The following TTC39B variants were observed in gnomAD, a reference collection of about 807,000 sequenced individuals.
TTC39B encodes tetratricopeptide repeat domain 39B, also known as tetratricopeptide repeat protein 39B.
A neutral mutation model predicts 96.6 loss-of-function variants in TTC39B; 92 were observed. The ratio of observed to expected loss-of-function variants is 0.95; its 90% CI spans 0.80 to 1.13. TTC39B has a LOEUF of 1.13. Among genes scored for constraint, TTC39B ranks in the 50% most tolerant of loss-of-function variants. The probability of loss-of-function intolerance (pLI) is 0.00; values close to 1 mark genes in which losing one functional copy is unlikely to be tolerated. For missense variants in TTC39B, 955 were observed against 809.3 expected (o/e 1.18, Z -2.18); for synonymous variants, 367 against 299.4 (o/e 1.23, Z -2.33).
chr9:15,303,190 T>C (rs1265578827), intron 1 of TTC39B, among the ~76,000 whole-genome samples: 1 of 152,148 alleles, frequency 6.6e-6, no homozygotes, highest in African/African-American at 2.4e-5. Context: ...TATGAACATT[T>C]AACTTTATAA....
intron 12 of TTC39B, 41 bp downstream of exon 12, chr9:15,189,684 T>A: frequency 1.2e-6 from 2 of 1,614,018 alleles, no homozygotes; most frequent in Non-Finnish European, 8.5e-7. Flanking sequence ...ACTGGCTGAT[T>A]AATTATGGTT....
intron 2 of TTC39B, among the ~76,000 whole-genome samples, chr9:15,263,317 T>A (rs932218221): frequency 2.0e-5 from 3 of 152,218 alleles, no homozygotes; most frequent in African/African-American, 7.2e-5. Flanking sequence ...ACATTTAACT[T>A]AAATTTCATT....
intron 16 of TTC39B, chr9:15,183,327 T>C (rs1564317316): frequency 2.3e-6 from 1 of 431,126 alleles, no homozygotes; most frequent in Non-Finnish European, 4.5e-6. Context: ...AAGAGTTCAA[T>C]TCAATAACAG....
chr9:15,250,124 GA>G, intron 2 of TTC39B: 1 of 1,240,680 alleles, frequency 8.1e-7, no homozygotes, highest in Non-Finnish European at 1.0e-6. Flanking sequence ...AGTAGTTGCC[GA>G]GGCAGCTGAC....
chr9:15,169,213 C>A (rs10961905), exon 20 of TTC39B: 1 of 152,070 alleles, frequency 6.6e-6, no homozygotes, highest in Admixed American at 6.5e-5. Context: ...CTCATTTCTG[C>A]CCTCTGAGGA....
intron 2 of TTC39B, among the ~76,000 whole-genome samples, chr9:15,257,846 G>C (rs1363142873): frequency 2.0e-5 from 3 of 151,930 alleles, no homozygotes; most frequent in Admixed American, 1.3e-4. Context: ...GATCATCTGA[G>C]ATCGGGAGTT....
chr9:15,212,830 C>A lies in TTC39B; in HGVS notation c.482+1309G>T, dbSNP rs10961916. The stretch of plus-strand genomic sequence containing the variant: ...TGTGTGTCAGTGGCAGAGAAAGACT[C>A]GTTTGAATAAAAATCAAAGGAGATA... On this transcript the variant is annotated intron_variant, in intron 4 of 19. Coordinates refer to ENST00000512701, the Ensembl canonical transcript of TTC39B. 2.6e-4 allele frequency among the ~76,000 whole-genome samples: 40 copies of A among 151,910 alleles called. No individual in the cohort carries two copies. In the South Asian group the frequency reaches 6.2e-3, roughly 24 times the overall value.
intron 1 of TTC39B, among the ~76,000 whole-genome samples, chr9:15,304,023 T>C (rs1197242390): frequency 6.6e-6 from 1 of 152,236 alleles, no homozygotes; most frequent in Non-Finnish European, 1.5e-5. Flanking sequence ...GAGATAATTA[T>C]TGGTGAGCTG....
intron 2 of TTC39B, among the ~76,000 whole-genome samples, chr9:15,264,645 A>G (rs1271875438): frequency 7.6e-6 from 1 of 131,698 alleles, no homozygotes; most frequent in Admixed American, 7.6e-5. Context: ...ACAGAGCGAG[A>G]CTCTGTCTTA....
At chr9:15,262,037 T>G (rs1038870300) in intron 2 of TTC39B, among the ~76,000 whole-genome samples, 5 of 152,230 alleles carry the variant, frequency 3.3e-5, no homozygotes, top group Admixed American at 1.3e-4. Context: ...GTCACCTCCT[T>G]ATGCCGAACA....
At chr9:15,240,365 T>C (rs1821983302) in intron 2 of TTC39B, among the ~76,000 whole-genome samples, 1 of 152,224 alleles carries the variant, frequency 6.6e-6, no homozygotes, top group African/African-American at 2.4e-5. Flanking sequence ...AACTGGCGAA[T>C]AGATAAACTA....
At chr9:15,307,134 T>C in exon 1 of TTC39B, 1 of 1,608,722 alleles carries the variant, frequency 6.2e-7, no homozygotes, top group Non-Finnish European at 8.5e-7. Flanking sequence ...ATATTCCTCC[T>C]CTGGCTGCTG....
rs117610132 is a variant in TTC39B, at chr9:15,182,758, T to C, written c.1615-343A>G. On this transcript the variant is annotated intron_variant, in intron 16 of 19. Coordinates refer to ENST00000512701, the Ensembl canonical transcript of TTC39B. ...GTAAACTTTTGTTGTTACTTTTAAG[T>C]AAAGAAAAATATTTTTAAATGTCTG... 3.0e-3 allele frequency among the ~76,000 whole-genome samples: 455 copies of C among 152,316 alleles called. 1 individual carries two copies. The highest frequency in any genetic ancestry group is 5.1e-3 in the Non-Finnish European group (344 of 68,014).
chr9:15,175,919 G>C (rs1286442826), intron 18 of TTC39B, among the ~76,000 whole-genome samples: 1 of 152,156 alleles, frequency 6.6e-6, no homozygotes, highest in Non-Finnish European at 1.5e-5. Flanking sequence ...AGGCAGGTTA[G>C]AACAAACCCA....
intron 2 of TTC39B, among the ~76,000 whole-genome samples, chr9:15,239,265 A>G (rs892230613): frequency 1.3e-5 from 2 of 152,176 alleles, no homozygotes; most frequent in African/African-American, 4.8e-5. Context: ...TCAAAAAACA[A>G]CAGATGTTGG....
At position 15,280,368 on chromosome 9, in the gene TTC39B, C is replaced by T. The variant is rs558815108; in HGVS notation, c.241-12420G>A. 2.0e-5 allele frequency among the ~76,000 whole-genome samples: 3 copies of T among 152,254 alleles called. No homozygotes were observed. The East Asian group carries it at 5.8e-4, about 29-fold the overall frequency. On this transcript the variant is annotated intron_variant, in intron 1 of 19. Coordinates refer to ENST00000512701, the Ensembl canonical transcript of TTC39B. ...TACAGAAAAAGTTTGCCTACGTTTG[C>T]GCAATGAATGAAACATCAGGTTTCC...
intron 2 of TTC39B, chr9:15,249,744 G>C: frequency 2.7e-6 from 1 of 371,254 alleles, no homozygotes; most frequent in Non-Finnish European, 4.1e-6. Context: ...AAGCAGGCTT[G>C]ACATGAAGCT....
chr9:15,280,105 C>A (rs1464803039), intron 1 of TTC39B, among the ~76,000 whole-genome samples: 1 of 152,034 alleles, frequency 6.6e-6, no homozygotes, highest in Admixed American at 6.6e-5. Flanking sequence ...GCCATGTTGG[C>A]CTGGCTGATC....
chr9:15,181,375 G>C (rs1198288651), intron 17 of TTC39B, among the ~76,000 whole-genome samples: 1 of 152,062 alleles, frequency 6.6e-6, no homozygotes, highest in Non-Finnish European at 1.5e-5. Context: ...ATACAACAAA[G>C]GCTATCACTT....
Sources: gnomAD v4.1 joint callset for allele counts (sites outside exome capture counted in the v4.1 genomes callset) on GRCh38, gnomAD v4.1.1 for gene constraint, MANE v1.5 for transcripts, NCBI Gene and HGNC (gene_info 2026-07-23, HGNC 2026-07-21) for gene names.